Variants in GSTA4 observed in about 807,000 individuals in gnomAD.
GSTA4 encodes glutathione S-transferase alpha 4.
A neutral mutation model predicts 24.4 loss-of-function variants in GSTA4; 15 were observed. The ratio of observed to expected loss-of-function variants is 0.61; its 90% CI spans 0.41 to 0.95. GSTA4 has a LOEUF of 0.95. Among genes scored for constraint, GSTA4 ranks in the 40% least tolerant of loss-of-function variants. GSTA4 has a pLI of 0.00. For missense variants in GSTA4, 244 were observed against 262.1 expected, an observed-to-expected ratio of 0.93 and a Z score of 0.48; for synonymous variants, 92 against 94.2, an observed-to-expected ratio of 0.98 and a Z score of 0.13.
intron 5 of GSTA4, 74 bp downstream of exon 5, chr6:52,984,390 A>G: frequency 2.2e-6 from 3 of 1,382,778 alleles, no homozygotes; most frequent in Non-Finnish European, 2.0e-6. Flanking sequence ...TTGGACAGAA[A>G]AGGGTGTTTG....
chr6:52,994,016 G>A, intron 2 of GSTA4, 141 bp downstream of exon 2: 2 of 720,130 alleles, frequency 2.8e-6, no homozygotes, highest in Non-Finnish European at 5.1e-6. Flanking sequence ...ATCCCTTCAG[G>A]GATGGTATCT....
chr6:52,991,877 C>G (rs1283334125), intron 2 of GSTA4, among the ~76,000 whole-genome samples: 1 of 151,838 alleles, frequency 6.6e-6, no homozygotes, highest in Non-Finnish European at 1.5e-5. Context: ...CTGCTTCAGC[C>G]TCCTGAGTAG....
At chr6:52,986,774 C>T (rs1393285221) in intron 3 of GSTA4, among the ~76,000 whole-genome samples, 1 of 152,154 alleles carries the variant, frequency 6.6e-6, no homozygotes, top group African/African-American at 2.4e-5. Context: ...GCCTGAGGAC[C>T]CTGCTGTTGG....
chr6:52,992,767 G>A (rs1561987668), intron 2 of GSTA4, among the ~76,000 whole-genome samples: 1 of 152,180 alleles, frequency 6.6e-6, no homozygotes, highest in Non-Finnish European at 1.5e-5. Flanking sequence ...ATGGAAACAG[G>A]ATGAATAAAT....
rs749327774 is a variant in GSTA4 at position 52,984,604 on chromosome 6, T to A, written c.274A>T (p.Ile92Phe). The change falls in exon 5 of 7, where the codon ATT becomes TTT. Residue 92 changes from isoleucine (I) to phenylalanine (F), a missense_variant and splice_region_variant. Transcript: ENST00000370963. ...FGKNLKERTLIDMYVEGTLDL... is the reference protein window; with the variant it reads ...FGKNLKERTLFDMYVEGTLDL... The stretch of plus-strand genomic sequence containing the variant: ...AGTGTCCCCTCCACGTACATGTCAA[T>A]CCTTAAAACAAAAAAGCAGTTGTCT... The A allele has an allele frequency of 1.2e-6, 2 of 1,610,874 alleles. No individual in the cohort carries two copies. Among genetic ancestry groups the A allele is most frequent in the African/African-American group, 2.7e-5 (2 of 74,554 alleles).
At chr6:52,986,270 A>C (rs1259525810) in intron 3 of GSTA4, among the ~76,000 whole-genome samples, 1 of 152,216 alleles carries the variant, frequency 6.6e-6, no homozygotes, top group African/African-American at 2.4e-5. Context: ...TCAGTCCCTA[A>C]GTTGCACTAG....
chr6:52,987,138 T>C (rs508078), intron 3 of GSTA4, among the ~76,000 whole-genome samples: 141,331 of 152,136 alleles, frequency 0.93, 65,706 homozygotes, highest in East Asian at 1. Flanking sequence ...CACCGGGATG[T>C]GGAAGGAACT....
intron 2 of GSTA4, 48 bp downstream of exon 2, chr6:52,994,109 T>C: frequency 8.2e-7 from 1 of 1,213,832 alleles, no homozygotes. Flanking sequence ...CTTTCAAAGG[T>C]CTCAAAAGCT....
chr6:52,991,975 T>C (rs995935342), intron 2 of GSTA4, among the ~76,000 whole-genome samples: 3 of 152,144 alleles, frequency 2.0e-5, no homozygotes, highest in Admixed American at 6.5e-5. Context: ...CAGGCTGGTC[T>C]CGAACTCCTG....
intron 6 of GSTA4, among the ~76,000 whole-genome samples, chr6:52,979,063 A>C (rs1763400312): frequency 6.6e-6 from 1 of 152,212 alleles, no homozygotes; most frequent in South Asian, 2.1e-4. Flanking sequence ...AAAAGTAAAA[A>C]CATACTCAAA....
At chr6:52,993,009 A>C (rs1218292627) in intron 2 of GSTA4, among the ~76,000 whole-genome samples, 1 of 152,106 alleles carries the variant, frequency 6.6e-6, no homozygotes, top group Admixed American at 6.5e-5. Flanking sequence ...AGGCTGAGGC[A>C]GGGGAATTGC....
At chr6:52,983,278 C>T (rs1430333084) in intron 5 of GSTA4, among the ~76,000 whole-genome samples, 1 of 152,190 alleles carries the variant, frequency 6.6e-6, no homozygotes, top group Non-Finnish European at 1.5e-5. Flanking sequence ...CATCTTGACT[C>T]CCATTCTGAG....
At position 52,982,714 on chromosome 6, in the gene GSTA4, AAAT is replaced by A. The variant is rs754778212; in HGVS notation, c.415-12_415-10del. ...CCGTGACCCCTTAAAATCTGTAGGG[AAAT>A]GGTGTGCATCAGTTACAATATTCCA... On this transcript the variant is annotated splice_polypyrimidine_tract_variant and intron_variant, in intron 5 of 6. Coordinates refer to ENST00000370963, the MANE Select transcript of GSTA4 (RefSeq NM_001512.4). The A allele has an allele frequency of 1.9e-6, 3 of 1,607,078 alleles. No individual in the cohort carries two copies. The highest frequency in any genetic ancestry group is 2.6e-6 in the Non-Finnish European group (3 of 1,173,938).
intron 4 of GSTA4, 78 bp from the exon 5 acceptor site, chr6:52,984,683 CT>C (rs11444456): frequency 0.064 from 49,681 of 777,062 alleles, 3 homozygotes; most frequent in Middle Eastern, 0.08. Context: ...ATTCAGAGTG[CT>C]TTTTTTTTTT....
intron 6 of GSTA4, among the ~76,000 whole-genome samples, chr6:52,981,889 G>GTTATC (rs1763457898): frequency 2.0e-5 from 3 of 152,190 alleles, no homozygotes; most frequent in Non-Finnish European, 4.4e-5. Context: ...AACCCTGAGG[G>GTTATC]ATAATTTGAA....
chr6:52,986,277 C>T (rs1044054605), intron 3 of GSTA4, among the ~76,000 whole-genome samples: 1 of 152,174 alleles, frequency 6.6e-6, no homozygotes, highest in Non-Finnish European at 1.5e-5. Context: ...CTAAGTTGCA[C>T]TAGACATATT....
rs907507994 is a variant in GSTA4, at chr6:52,978,357, G to T, written c.*113C>A. On this transcript the variant is annotated 3_prime_UTR_variant, in exon 7 of 7. Transcript: ENST00000370963. ...CGTTGACACAAAAGACCCAACTTAG[G>T]ACCCAACTTAATACATAGATAGCAC... 7.6e-6 allele frequency: 8 copies of T among 1,057,806 alleles called. No individual in the cohort carries two copies. The East Asian group carries it at 2.1e-4, about 28-fold the overall frequency. 65.5% of individuals were successfully genotyped at this position (1,057,806 alleles called of 1,614,324 possible).
In GSTA4 at chr6:52,978,565, G is replaced by T; in HGVS notation, c.574C>A (p.Pro192Thr). Residue 192 changes from proline (P) to threonine (T), a missense_variant, in exon 7 of 7, where the codon CCT becomes ACT. Pro to Thr is a conservative substitution (Grantham distance 38). Transcript: ENST00000370963. ...QEYTVKLSNI[P>T]TIKRFLEPGS... ...GGTTCAAGGAATCTCTTAATTGTAG[G>T]GATATTACTTAGTTTCACTGTGTAT... The T allele has an allele frequency of 5.0e-6, 8 of 1,609,740 alleles. No individual in the cohort carries two copies. The highest frequency in any genetic ancestry group is 6.8e-6 in the Non-Finnish European group (8 of 1,177,244).
chr6:52,984,696 T>TTG, intron 4 of GSTA4, 91 bp from the exon 5 acceptor site: 1 of 1,190,296 alleles, frequency 8.4e-7, no homozygotes, highest in Non-Finnish European at 1.2e-6. Flanking sequence ...TTTTTTTTTT[T>TTG]TTTAAAGATG....
Sources: allele counts gnomAD v4.1 joint callset (sites outside exome capture counted in the v4.1 genomes callset), GRCh38; gene constraint gnomAD v4.1.1; transcripts MANE v1.5; gene names NCBI Gene and HGNC (gene_info 2026-07-23, HGNC 2026-07-21).